ZNF680: variants seen among roughly 807,000 people sequenced by gnomAD.
ZNF680 encodes the protein zinc finger protein 680, also known as hypothetical protein FLJ90430.
Under a neutral mutation model 12.1 loss-of-function variants are expected in ZNF680, and 6 were observed. The observed-to-expected ratio is 0.49, with a 90% CI of 0.27 to 0.98. ZNF680 has a LOEUF of 0.98. ZNF680 is among the 50% of genes least tolerant of loss of function. The pLI is 0.12. For missense variants in ZNF680, 561 were observed against 616.3 expected (o/e 0.91, Z 0.95); for synonymous variants, 170 against 199.3 (o/e 0.85, Z 1.24).
intron 3 of ZNF680, 117 bp from the exon 4 acceptor site, chr7:64,522,617 TA>T (rs1241911205): frequency 2.5e-6 from 2 of 785,446 alleles, no homozygotes; most frequent in Non-Finnish European, 1.7e-6. Flanking sequence ...AATAAATAAC[TA>T]AAAAATCCTA....
the ZNF680 span, chr7:64,501,408 T>A: frequency 8.9e-7 from 1 of 1,122,634 alleles, no homozygotes; most frequent in Non-Finnish European, 1.3e-6. Flanking sequence ...TTTAGGCCAT[T>A]AAGAAGGAAC....
Position 64,521,581 on chromosome 7 carries a change from T to G in ZNF680, c.1173A>C (p.Ser391=). The change falls in exon 4 of 4, where the codon TCA becomes TCC. Residue 391 remains serine (S), a synonymous_variant. Transcript: ENST00000309683. ...GAATTCTCATATGTTCAGTAAGGTTTGAGGACTGTATAAAAGCTTTGCCGC... is the reference window on the plus strand; with the variant it reads ...GAATTCTCATATGTTCAGTAAGGTTGGAGGACTGTATAAAAGCTTTGCCGC... ...EECGKAFIQS[S]NLTEHMRIHT... The G allele has an allele frequency of 6.2e-7, 1 of 1,612,684 alleles. No individual in the cohort carries two copies. The highest frequency in any genetic ancestry group is 8.5e-7 in the Non-Finnish European group (1 of 1,179,722).
At chr7:64,511,637 T>TA in the ZNF680 span, among the ~76,000 whole-genome samples, 7 of 151,832 alleles carry the variant, frequency 4.6e-5, no homozygotes, top group Non-Finnish European at 8.8e-5. Context: ...ACACTTTCTT[T>TA]AAAAAAAACC....
intron 1 of ZNF680, among the ~76,000 whole-genome samples, chr7:64,550,057 T>C (rs1786993186): frequency 6.6e-6 from 1 of 152,212 alleles, no homozygotes; most frequent in Non-Finnish European, 1.5e-5. Context: ...GCTTGAGGAT[T>C]GTTAACTTGA....
intron 1 of ZNF680, among the ~76,000 whole-genome samples, chr7:64,550,643 A>C (rs1364383419): frequency 6.6e-6 from 1 of 152,224 alleles, no homozygotes; most frequent in South Asian, 2.1e-4. Context: ...AGGTCTGAAA[A>C]TACAAGAATC....
At chr7:64,549,015 G>A (rs1786928929) in intron 1 of ZNF680, among the ~76,000 whole-genome samples, 1 of 151,906 alleles carries the variant, frequency 6.6e-6, no homozygotes, top group Non-Finnish European at 1.5e-5. Flanking sequence ...AGCTACTCAG[G>A]AGGCTGAGGC....
At chr7:64,512,499 A>G in the ZNF680 span, among the ~76,000 whole-genome samples, 7 of 152,046 alleles carry the variant, frequency 4.6e-5, no homozygotes, top group Admixed American at 2.6e-4. Context: ...TCAGTCAACT[A>G]AATGACTTTT....
In ZNF680 at chr7:64,521,409, G is replaced by C. The variant is rs1356850102; in HGVS notation, c.1345C>G (p.Leu449Val). ...CGKGFTLFST[L>V]TNHKVIHTGE... is the part of the protein sequence containing the mutation. ...GTATGAATTACTTTATGGTTAGTAA[G>C]GGTTGAAAATAAAGTAAAGCCTTTG... The change falls in exon 4 of 4, where the codon CTT (leucine) becomes GTT (valine). Residue 449 changes from leucine to valine, a missense_variant. Physicochemically the swap from Leu to Val is conservative, Grantham distance 32 (BLOSUM62 1). Coordinates refer to ENST00000309683, the MANE Select transcript of ZNF680 (RefSeq NM_178558.5). 11 of 1,613,438 alleles carry C rather than the reference G, an allele frequency of 6.8e-6. No individual in the cohort carries two copies. In the African/African-American group the frequency reaches 1.5e-4, roughly 22 times the overall value.
At chr7:64,509,720 T>A in the ZNF680 span, among the ~76,000 whole-genome samples, 1 of 152,064 alleles carries the variant, frequency 6.6e-6, no homozygotes, top group Admixed American at 6.5e-5. Flanking sequence ...GGCTAGAATT[T>A]TAAGCAGGTA....
Position 64,520,085 on chromosome 7 carries a change from T to C in ZNF680, c.*1076A>G, listed in dbSNP as rs1049541440. 9.2e-5 allele frequency: 14 copies of C among 151,802 alleles called. No individual in the cohort carries two copies. The East Asian group carries it at 2.7e-3, about 29-fold the overall frequency. 9.4% of individuals were successfully genotyped at this position (151,802 alleles called of 1,614,324 possible). On this transcript the variant is annotated 3_prime_UTR_variant, in exon 4 of 4. Coordinates refer to ENST00000309683, the MANE Select transcript of ZNF680 (RefSeq NM_178558.5). ...AACACCTACCTCATGCATCACTCAA[T>C]ATGAAAAGTAAACTAACAGGGCCTC... is the stretch of plus-strand genomic sequence containing the variant.
the ZNF680 span, among the ~76,000 whole-genome samples, chr7:64,502,481 T>G: frequency 1.2e-4 from 18 of 152,182 alleles, no homozygotes; most frequent in African/African-American, 3.4e-4. Flanking sequence ...CACCCCCACA[T>G]AGGTGTGATT....
chr7:64,549,142 A>C (rs1786938400), intron 1 of ZNF680, among the ~76,000 whole-genome samples: 1 of 151,924 alleles, frequency 6.6e-6, no homozygotes, highest in Admixed American at 6.6e-5. Context: ...AAAAAAAAAA[A>C]ACAATGAAAC....
Position 64,526,516 on chromosome 7 carries a change from C to T in ZNF680, c.254-4016G>A, listed in dbSNP as rs1371788935. 3 of 678,230 alleles carry T rather than the reference C, an allele frequency of 4.4e-6. No homozygotes were observed. In the Admixed American group the frequency reaches 9.5e-5, roughly 21 times the overall value. The allele number at this position is 678,230 out of a possible 1,614,324, so 42.0% of individuals were successfully genotyped here. Reference sequence around the variant, plus strand: ...GATCAGCCTGAGCAACACAGTAAGACTCTGCATATAAACAAACAGAAATGC... The same window carrying T: ...GATCAGCCTGAGCAACACAGTAAGATTCTGCATATAAACAAACAGAAATGC... On this transcript the variant is annotated intron_variant, in intron 3 of 3. Transcript: ENST00000309683.
chr7:64,561,705 C>T (rs548084045), intron 1 of ZNF680, among the ~76,000 whole-genome samples: 21 of 151,980 alleles, frequency 1.4e-4, no homozygotes, highest in Middle Eastern at 6.8e-3. Flanking sequence ...GAGGCCGAGG[C>T]GGGTGGATTA....
intron 3 of ZNF680, among the ~76,000 whole-genome samples, chr7:64,531,596 C>CAAAA (rs34791051): frequency 5.1e-4 from 49 of 95,194 alleles, no homozygotes; most frequent in Non-Finnish European, 6.4e-4. Context: ...GACTCCGTCT[C>CAAAA]AAAAAAAAAA....
At chr7:64,528,512 T>C (rs1785683173) in intron 3 of ZNF680, among the ~76,000 whole-genome samples, 1 of 152,188 alleles carries the variant, frequency 6.6e-6, no homozygotes, top group African/African-American at 2.4e-5. Context: ...ACCAGCCCTT[T>C]GGATTGTGTA....
intron 3 of ZNF680, among the ~76,000 whole-genome samples, chr7:64,537,357 T>G (rs900534882): frequency 2.6e-5 from 4 of 152,040 alleles, no homozygotes; most frequent in Non-Finnish European, 4.4e-5. Context: ...TAAAACATAC[T>G]CTTTGACATA....
At chr7:64,546,001 T>C (rs992962639) in intron 1 of ZNF680, among the ~76,000 whole-genome samples, 3 of 152,212 alleles carry the variant, frequency 2.0e-5, no homozygotes, top group Non-Finnish European at 2.9e-5. Context: ...GAAGCCATGA[T>C]GCAGAGAATG....
the ZNF680 span, among the ~76,000 whole-genome samples, chr7:64,513,810 T>C: frequency 2.3e-4 from 35 of 152,012 alleles, no homozygotes; most frequent in Non-Finnish European, 3.4e-4. Context: ...CACACCCAGC[T>C]ACTTTTTTTA....
Sources: gnomAD v4.1 joint callset for allele counts (sites outside exome capture counted in the v4.1 genomes callset) on GRCh38, gnomAD v4.1.1 for gene constraint, MANE v1.5 for transcripts, NCBI Gene and HGNC (gene_info 2026-07-23, HGNC 2026-07-21) for gene names.